P4HA3: variants seen among roughly 807,000 people sequenced by gnomAD.
P4HA3 encodes prolyl 4-hydroxylase subunit alpha 3.
Under a neutral mutation model 66.7 loss-of-function variants are expected in P4HA3, and 60 were observed. The observed-to-expected ratio is 0.90, with a 90% CI of 0.73 to 1.12. The LOEUF is 1.12. Ranked by LOEUF, P4HA3 falls within the 50% of genes most tolerant of loss-of-function variation. P4HA3 has a pLI of 0.00. For missense variants in P4HA3, 683 were observed against 685.8 expected (o/e 1.00, Z 0.05); for synonymous variants, 263 against 274.6 (o/e 0.96, Z 0.42).
At chr11:74,276,219 T>C (rs1277451216) in intron 9 of P4HA3, among the ~76,000 whole-genome samples, 1 of 152,076 alleles carries the variant, frequency 6.6e-6, no homozygotes, top group Non-Finnish European at 1.5e-5. Context: ...AATAGTTGGG[T>C]GATGGGTACA....
chr11:74,251,722 C>T (rs1297903277), intron 15 of P4HA3: 3 of 1,613,852 alleles, frequency 1.9e-6, no homozygotes, highest in Non-Finnish European at 1.7e-6. Flanking sequence ...AGTGGTAAGG[C>T]GGGTACAAGG....
chr11:74,305,347 T>G (rs1327681849), intron 1 of P4HA3, among the ~76,000 whole-genome samples: 1 of 152,080 alleles, frequency 6.6e-6, no homozygotes, highest in Non-Finnish European at 1.5e-5. Context: ...GCCTGTTGGG[T>G]GCTCTAAATA....
chr11:74,274,011 T>C (rs1860300740), intron 9 of P4HA3, among the ~76,000 whole-genome samples: 1 of 152,138 alleles, frequency 6.6e-6, no homozygotes, highest in Non-Finnish European at 1.5e-5. Flanking sequence ...TCTTTTTTTT[T>C]TGTCATGGAA....
chr11:74,304,673 G>A (rs1305898080), intron 1 of P4HA3, among the ~76,000 whole-genome samples: 1 of 152,164 alleles, frequency 6.6e-6, no homozygotes, highest in Non-Finnish European at 1.5e-5. Flanking sequence ...CCATGCTAGA[G>A]ATATAAAGGC....
intron 15 of P4HA3, among the ~76,000 whole-genome samples, chr11:74,258,025 G>A (rs545475698): frequency 2.0e-4 from 30 of 152,312 alleles, no homozygotes; most frequent in Admixed American, 4.6e-4. Flanking sequence ...GCCTACACTA[G>A]CAGCAGAGAA....
intron 1 of P4HA3, among the ~76,000 whole-genome samples, chr11:74,311,178 C>A (rs1212832619): frequency 1.3e-5 from 2 of 152,134 alleles, no homozygotes; most frequent in Non-Finnish European, 2.9e-5. Flanking sequence ...CCTCATGCCA[C>A]GGAGTGTCAG....
In P4HA3 at chr11:74,302,601, G is replaced by A. The variant is rs1264414119; in HGVS notation, c.344-9C>T. 1 of 1,606,462 alleles carries A rather than the reference G, an allele frequency of 6.2e-7. No homozygotes were observed. Among genetic ancestry groups the A allele is most frequent in the East Asian group, 2.2e-5 (1 of 44,778 alleles). On this transcript the variant is annotated splice_polypyrimidine_tract_variant and intron_variant, in intron 2 of 12. Transcript: ENST00000331597. ...ATAGCCATCCTTCAGAGCTGTAAAA[G>A]TAGTAAAAACATCAACCCAGCATTC...
At chr11:74,299,767 G>A (rs1298383441) in intron 3 of P4HA3, among the ~76,000 whole-genome samples, 1 of 151,992 alleles carries the variant, frequency 6.6e-6, no homozygotes, top group Non-Finnish European at 1.5e-5. Flanking sequence ...ATGTTCCCTA[G>A]GATGGGGGTG....
intron 6 of P4HA3, 66 bp from the exon 7 acceptor site, chr11:74,286,051 A>T: frequency 1.3e-6 from 2 of 1,522,672 alleles, no homozygotes; most frequent in South Asian, 2.3e-5. Flanking sequence ...AACTTAGGGG[A>T]ACTATGGCAT....
chr11:74,305,636 G>GT (rs1403431522), intron 1 of P4HA3, among the ~76,000 whole-genome samples: 1 of 151,246 alleles, frequency 6.6e-6, no homozygotes, highest in Non-Finnish European at 1.5e-5. Context: ...TATATTTGTA[G>GT]TAAGTCAATC....
chr11:74,301,406 G>A (rs955176854), intron 3 of P4HA3, among the ~76,000 whole-genome samples: 6 of 152,080 alleles, frequency 3.9e-5, no homozygotes, highest in African/African-American at 1.4e-4. Flanking sequence ...TACTTTACCT[G>A]GCTTAAATTT....
downstream of P4HA3, among the ~76,000 whole-genome samples, chr11:74,266,504 T>C (rs1183543158): frequency 6.6e-6 from 1 of 152,188 alleles, no homozygotes; most frequent in Non-Finnish European, 1.5e-5. Context: ...ATGTACAGAA[T>C]AAAGTCTGTT....
intron 5 of P4HA3, among the ~76,000 whole-genome samples, chr11:74,288,141 A>G (rs1860864916): frequency 6.6e-6 from 1 of 152,238 alleles, no homozygotes; most frequent in African/African-American, 2.4e-5. Flanking sequence ...TTAAGCAAAT[A>G]CATACATATA....
chr11:74,267,006 A>G lies in P4HA3; in HGVS notation c.*242T>C. Reference sequence around the variant, plus strand: ...CCAGAAACTTCCCTCTCAGGCCTCCACTCCCCCCTCCTTTGTACTGTGCAT... The same window carrying G: ...CCAGAAACTTCCCTCTCAGGCCTCCGCTCCCCCCTCCTTTGTACTGTGCAT... On this transcript the variant is annotated 3_prime_UTR_variant, in exon 13 of 13. Transcript: ENST00000331597. 6.7e-7 allele frequency: 1 copy of G among 1,501,326 alleles called. No homozygotes were observed. Among genetic ancestry groups the G allele is most frequent in the Non-Finnish European group, 8.9e-7 (1 of 1,126,594 alleles). 93.0% of individuals were successfully genotyped at this position (1,501,326 alleles called of 1,614,324 possible).
intron 14 of P4HA3, among the ~76,000 whole-genome samples, chr11:74,261,375 A>G (rs1859904458): frequency 6.6e-6 from 1 of 152,194 alleles, no homozygotes; most frequent in Non-Finnish European, 1.5e-5. Context: ...AGGTATATGT[A>G]AAATAGGTGA....
chr11:74,304,429 G>T lies in P4HA3; in HGVS notation c.201-17C>A. The T allele has an allele frequency of 6.2e-7, 1 of 1,613,700 alleles. No homozygotes were observed. The highest frequency in any genetic ancestry group is 8.5e-7 in the Non-Finnish European group (1 of 1,179,732). ...TCGTAGAATCTGAAAGAAAGGAGTA[G>T]AATGATCTCACCTCCTGATACAACC... On this transcript the variant is annotated splice_polypyrimidine_tract_variant and intron_variant, in intron 1 of 12. Transcript: ENST00000331597.
At chr11:74,287,589 A>T (rs1418598383) in intron 5 of P4HA3, among the ~76,000 whole-genome samples, 1 of 152,220 alleles carries the variant, frequency 6.6e-6, no homozygotes, top group African/African-American at 2.4e-5. Context: ...CTACTTCCTT[A>T]TCCTATTGTT....
chr11:74,309,912 A>G (rs1318325958), intron 1 of P4HA3, among the ~76,000 whole-genome samples: 4 of 152,166 alleles, frequency 2.6e-5, no homozygotes, highest in African/African-American at 7.2e-5. Flanking sequence ...GCTCTCTCTC[A>G]CAGTCATGGG....
intron 10 of P4HA3, among the ~76,000 whole-genome samples, chr11:74,272,308 C>T (rs980289394): frequency 1.3e-5 from 2 of 152,028 alleles, no homozygotes; most frequent in African/African-American, 4.8e-5. Context: ...TAACTGGGGC[C>T]CTGTAACCAG....
Sources: allele counts gnomAD v4.1 joint callset (sites outside exome capture counted in the v4.1 genomes callset), GRCh38; gene constraint gnomAD v4.1.1; transcripts MANE v1.5; gene names NCBI Gene and HGNC (gene_info 2026-07-23, HGNC 2026-07-21).